PTPRZ1: variants seen among roughly 807,000 people sequenced by gnomAD.
PTPRZ1 encodes receptor-type tyrosine-protein phosphatase zeta.
In PTPRZ1, 82 loss-of-function variants were observed where a neutral mutation model predicts 214.1. That is an observed-to-expected ratio of 0.38 (90% CI 0.32 to 0.46). The LOEUF is 0.46. Among genes scored for constraint, PTPRZ1 ranks in the 20% least tolerant of loss-of-function variants. The probability of loss-of-function intolerance (pLI) is 1.00; values close to 1 mark genes in which losing one functional copy is unlikely to be tolerated. For missense variants in PTPRZ1, 2,603 were observed against 2,748.7 expected, an observed-to-expected ratio of 0.95 and a Z score of 1.19; for synonymous variants, 945 against 987.9, an observed-to-expected ratio of 0.96 and a Z score of 0.81.
Position 122,042,761 on chromosome 7 carries a change from A to T in PTPRZ1, c.5937+18A>T. ...AAACTGAGGTATGATTTTTAAAAAG[A>T]TGATTTTATTCATCTAAGGTATGGA... On this transcript the variant is annotated intron_variant, in intron 22 of 29. Coordinates refer to ENST00000393386, the MANE Select transcript of PTPRZ1 (RefSeq NM_002851.3). 6.2e-7 allele frequency: 1 copy of T among 1,601,998 alleles called. No individual in the cohort carries two copies. The highest frequency in any genetic ancestry group is 2.2e-5 in the East Asian group (1 of 44,744).
chr7:121,978,378 A>G (rs1015081661), intron 6 of PTPRZ1, among the ~76,000 whole-genome samples: 1 of 152,184 alleles, frequency 6.6e-6, no homozygotes, highest in Non-Finnish European at 1.5e-5. Flanking sequence ...TGTAAAAGAA[A>G]GAGATTGAAT....
intron 23 of PTPRZ1, among the ~76,000 whole-genome samples, chr7:122,050,053 C>A (rs1340116802): frequency 6.6e-6 from 1 of 152,102 alleles, no homozygotes; most frequent in East Asian, 1.9e-4. Flanking sequence ...AACATTGTAT[C>A]TCTACCACTC....
chr7:122,015,638 T>C (rs1798821819), intron 12 of PTPRZ1, among the ~76,000 whole-genome samples: 1 of 152,080 alleles, frequency 6.6e-6, no homozygotes, highest in Non-Finnish European at 1.5e-5. Context: ...ATATCAGGAA[T>C]CCATCTATCT....
At position 122,010,817 on chromosome 7, in the gene PTPRZ1, C is replaced by T; in HGVS notation, c.1771C>T (p.Pro591Ser). 6.2e-7 allele frequency: 1 copy of T among 1,614,070 alleles called. No individual in the cohort carries two copies. Among genetic ancestry groups the T allele is most frequent in the South Asian group, 1.1e-5 (1 of 91,082 alleles). The change falls in exon 12 of 30, where the codon CCC becomes TCC. Residue 591 changes from proline (P) to serine (S), a missense_variant. This residue lies in a region of PTPRZ1 where 1,913 missense variants were observed against 1,914.3 expected (regional missense o/e 1.00). Coordinates refer to ENST00000393386, the MANE Select transcript of PTPRZ1 (RefSeq NM_002851.3). Reference sequence around the variant, plus strand: ...AGCTGAAGATTCTTCAGGCTCCAGTCCCGCAACTTCTGCTATCCCATTCAT... The same window carrying T: ...AGCTGAAGATTCTTCAGGCTCCAGTTCCGCAACTTCTGCTATCCCATTCAT... ...TGAEDSSGSS[P>S]ATSAIPFISE...
intron 3 of PTPRZ1, among the ~76,000 whole-genome samples, chr7:121,970,029 C>A (rs1584694753): frequency 6.8e-6 from 1 of 147,662 alleles, no homozygotes; most frequent in East Asian, 2.0e-4. Context: ...TCAAATCCCA[C>A]CTATGAGTGA....
intron 27 of PTPRZ1, 105 bp downstream of exon 27, chr7:122,055,192 T>C (rs1792311587): frequency 2.0e-6 from 2 of 980,478 alleles, no homozygotes; most frequent in Non-Finnish European, 2.8e-6. Flanking sequence ...TCTGATTTTT[T>C]CCCCATTGAG....
At chr7:121,972,258 G>A (rs1252296882) in intron 3 of PTPRZ1, among the ~76,000 whole-genome samples, 1 of 151,876 alleles carries the variant, frequency 6.6e-6, no homozygotes, top group Non-Finnish European at 1.5e-5. Context: ...TCAAGTAACA[G>A]CTATCTTAGG....
At chr7:121,966,622 A>G (rs765097544) in intron 2 of PTPRZ1, among the ~76,000 whole-genome samples, 3 of 152,158 alleles carry the variant, frequency 2.0e-5, no homozygotes, top group Non-Finnish European at 2.9e-5. Flanking sequence ...TTCAGTACCT[A>G]TTGATTCTGG....
At chr7:121,955,863 T>C (rs1425069592) in intron 2 of PTPRZ1, among the ~76,000 whole-genome samples, 1 of 152,226 alleles carries the variant, frequency 6.6e-6, no homozygotes, top group Non-Finnish European at 1.5e-5. Context: ...ATTTTTCCAA[T>C]TTTAATTAAA....
intron 20 of PTPRZ1, 54 bp from the exon 21 acceptor site, chr7:122,040,761 TG>T: frequency 1.0e-6 from 1 of 966,692 alleles, no homozygotes. Context: ...TGTGTGTGTG[TG>T]TGTGTGTGTG....
At chr7:121,936,314 T>C (rs1415841388) in intron 2 of PTPRZ1, among the ~76,000 whole-genome samples, 3 of 152,232 alleles carry the variant, frequency 2.0e-5, no homozygotes, top group East Asian at 1.9e-4. Flanking sequence ...TTTTGAAATA[T>C]AGTGAGACAC....
At chr7:122,057,968 G>GTATATATATACATATATATATACA in intron 27 of PTPRZ1, among the ~76,000 whole-genome samples, 1 of 35,170 alleles carries the variant, frequency 2.8e-5, no homozygotes, top group Admixed American at 1.8e-4. Context: ...GTGTGTGTGT[G>GTATATATATACATATATATATACA]TATATATATA....
rs1793944784 is a variant in PTPRZ1, at chr7:121,873,424, T to G, written c.-76T>G. ...TTAAAACAAACAAACAAAAAAAACA[T>G]TTCCTTCGCTCCCCCTCCCTCTCCA... On this transcript the variant is annotated 5_prime_UTR_variant, in exon 1 of 30. Transcript: ENST00000393386. 3 of 1,473,086 alleles carry G rather than the reference T, an allele frequency of 2.0e-6. No individual in the cohort carries two copies. The East Asian group carries it at 7.0e-5, about 34-fold the overall frequency. 91.3% of individuals were successfully genotyped at this position (1,473,086 alleles called of 1,614,324 possible). A position where few individuals can be genotyped will look rare whatever the true frequency, so the allele number is the denominator to read the frequency against.
At chr7:122,058,764 CACTA>C in intron 27 of PTPRZ1, 32 bp from the exon 28 acceptor site, 1 of 1,551,842 alleles carries the variant, frequency 6.4e-7, no homozygotes, top group Non-Finnish European at 8.8e-7. Context: ...GGTAAACTGT[CACTA>C]ACTAACATTA....
rs1261374558 is a variant in PTPRZ1, at chr7:122,058,931, T to C, written c.6660T>C (p.Ile2220=). 7.6e-6 allele frequency: 12 copies of C among 1,585,910 alleles called. No individual in the cohort carries two copies. Among genetic ancestry groups the C allele is most frequent in the Admixed American group, 1.7e-5 (1 of 59,412 alleles). Residue 2220 remains isoleucine, a synonymous_variant, in exon 28 of 30, where the codon ATT becomes ATC. Transcript: ENST00000393386. ...EEAANRDGPM[I]VHDEHGGVTA... The stretch of plus-strand genomic sequence containing the variant: ...CTGCCAATAGGGATGGGCCTATGAT[T>C]GTTCATGATGAGTAAGTTCCATGTG...
chr7:121,881,080 G>C (rs1162468906), intron 1 of PTPRZ1, among the ~76,000 whole-genome samples: 1 of 152,162 alleles, frequency 6.6e-6, no homozygotes, highest in Non-Finnish European at 1.5e-5. Flanking sequence ...CGTATTTGGG[G>C]ACAGGGCCTT....
intron 1 of PTPRZ1, among the ~76,000 whole-genome samples, chr7:121,903,966 TCACA>T (rs57176542): frequency 0.029 from 3,571 of 123,864 alleles, 82 homozygotes; most frequent in African/African-American, 0.065. Context: ...TCTTTAAATC[TCACA>T]CACACACACA....
At chr7:121,904,466 C>A (rs1795062249) in intron 1 of PTPRZ1, among the ~76,000 whole-genome samples, 1 of 152,102 alleles carries the variant, frequency 6.6e-6, no homozygotes, top group Non-Finnish European at 1.5e-5. Flanking sequence ...ACCTTGTGGA[C>A]CAGAATCTTC....
At chr7:121,923,970 A>T (rs933515758) in intron 1 of PTPRZ1, among the ~76,000 whole-genome samples, 1 of 152,048 alleles carries the variant, frequency 6.6e-6, no homozygotes, top group African/African-American at 2.4e-5. Context: ...AATTCCTCTC[A>T]ATTTAGTTAG....
Sources: allele counts gnomAD v4.1 joint callset (sites outside exome capture counted in the v4.1 genomes callset), GRCh38; gene constraint gnomAD v4.1.1; regional missense constraint gnomAD v4.1.1; transcripts MANE v1.5; gene names NCBI Gene and HGNC (gene_info 2026-07-23, HGNC 2026-07-21).